UBN2: variants seen among roughly 807,000 people sequenced by gnomAD.
UBN2 encodes the protein ubinuclein 2.
Under a neutral mutation model 120.2 loss-of-function variants are expected in UBN2, and 35 were observed. The ratio of observed to expected loss-of-function variants is 0.29; its 90% CI spans 0.22 to 0.39. The LOEUF is 0.39. UBN2 is among the 10% of genes least tolerant of loss of function. UBN2 has a pLI of 1.00. For missense variants in UBN2, 1,693 were observed against 1,663.2 expected (o/e 1.02, Z -0.31); for synonymous variants, 661 against 648.7 (o/e 1.02, Z -0.29).
At chr7:139,294,699 G>A (rs373039851) in intron 17 of UBN2, among the ~76,000 whole-genome samples, 1 of 152,164 alleles carries the variant, frequency 6.6e-6, no homozygotes, top group African/African-American at 2.4e-5. Context: ...AAGTTAGCCA[G>A]GCCTGATGGC....
intron 2 of UBN2, among the ~76,000 whole-genome samples, chr7:139,241,754 T>C (rs1264795294): frequency 6.6e-6 from 1 of 152,204 alleles, no homozygotes; most frequent in Non-Finnish European, 1.5e-5. Flanking sequence ...CCCAGCACTT[T>C]GGGAGGCTGA....
chr7:139,270,270 C>CTTT (rs563161456), intron 8 of UBN2, among the ~76,000 whole-genome samples: 11 of 134,406 alleles, frequency 8.2e-5, no homozygotes, highest in South Asian at 2.4e-4. Context: ...AGCAGAAATA[C>CTTT]TTTTTTTTTT....
intron 17 of UBN2, among the ~76,000 whole-genome samples, chr7:139,294,789 C>T (rs925903901): frequency 3.3e-5 from 5 of 152,032 alleles, no homozygotes; most frequent in African/African-American, 4.8e-5. Flanking sequence ...TGCGGTGAGC[C>T]GAGATCACGC....
chr7:139,236,424 T>A (rs1002171129), intron 1 of UBN2, among the ~76,000 whole-genome samples: 8 of 152,208 alleles, frequency 5.3e-5, no homozygotes, highest in African/African-American at 1.9e-4. Flanking sequence ...CTACACACAC[T>A]CAGTGTTAAC....
intron 15 of UBN2, among the ~76,000 whole-genome samples, chr7:139,289,414 CTT>C (rs1161484759): frequency 4.4e-4 from 55 of 125,694 alleles, no homozygotes; most frequent in Admixed American, 7.2e-4. Flanking sequence ...TTACATTTTG[CTT>C]TTTTTTTTTT....
rs929402050 is a variant in UBN2, at chr7:139,307,007, T to G, written c.*9171T>G. Reference sequence around the variant, plus strand: ...GTCTGGGTAAACACATACTTCGGTGTGAATTTTGATAAGGGAAAGACTTGT... The same window carrying G: ...GTCTGGGTAAACACATACTTCGGTGGGAATTTTGATAAGGGAAAGACTTGT... On this transcript the variant is annotated 3_prime_UTR_variant, in exon 18 of 18. Transcript: ENST00000473989. The G allele has an allele frequency of 1.3e-5, 2 of 152,226 alleles. No homozygotes were observed. The allele number at this position is 152,226 out of a possible 1,614,324, so 9.4% of individuals were successfully genotyped here. A position where few individuals can be genotyped will look rare whatever the true frequency, so the allele number is the denominator to read the frequency against.
Position 139,231,270 on chromosome 7 carries a change from G to T in UBN2, c.-215G>T, listed in dbSNP as rs553256874. ...ATTTATGTGGGGGATCCAACATGGC[G>T]GCCGCGGCGACCCTGGCGATGGCGG... On this transcript the variant is annotated 5_prime_UTR_variant, in exon 1 of 18. Coordinates refer to ENST00000473989, the MANE Select transcript of UBN2 (RefSeq NM_173569.4). 4.6e-5 allele frequency among the ~76,000 whole-genome samples: 7 copies of T among 152,354 alleles called. No homozygotes were observed. In the South Asian group the frequency reaches 1.4e-3, roughly 32 times the overall value.
chr7:139,252,640 T>G (rs1386656831), intron 3 of UBN2, among the ~76,000 whole-genome samples: 1 of 152,182 alleles, frequency 6.6e-6, no homozygotes, highest in Non-Finnish European at 1.5e-5. Context: ...CTCTGTACAA[T>G]GTCTTTATTT....
At chr7:139,308,930 C>T (rs995505531), downstream of UBN2, among the ~76,000 whole-genome samples, 10 of 152,068 alleles carry the variant, frequency 6.6e-5, no homozygotes, top group Non-Finnish European at 7.4e-5. Flanking sequence ...ATTAGCTGGG[C>T]ATGGTGGCAT....
At chr7:139,270,572 A>C (rs1364868751) in intron 8 of UBN2, among the ~76,000 whole-genome samples, 1 of 150,578 alleles carries the variant, frequency 6.6e-6, no homozygotes, top group Non-Finnish European at 1.5e-5. Context: ...CCTGGCCAGA[A>C]ACACATTCAT....
chr7:139,235,012 A>C (rs1796126010), intron 1 of UBN2, among the ~76,000 whole-genome samples: 1 of 152,166 alleles, frequency 6.6e-6, no homozygotes, highest in South Asian at 2.1e-4. Context: ...GTTTATTCTT[A>C]ACTGTGAAAG....
intron 2 of UBN2, among the ~76,000 whole-genome samples, chr7:139,245,498 T>C (rs1044050989): frequency 6.6e-6 from 1 of 152,196 alleles, no homozygotes; most frequent in African/African-American, 2.4e-5. Flanking sequence ...CTCAGAACTA[T>C]TATGGTTTCT....
intron 1 of UBN2, among the ~76,000 whole-genome samples, chr7:139,233,071 C>G (rs922756185): frequency 6.6e-6 from 1 of 152,152 alleles, no homozygotes; most frequent in Non-Finnish European, 1.5e-5. Context: ...CCTTTATGGT[C>G]AAAATGACTG....
At position 139,301,195 on chromosome 7, in the gene UBN2, G is replaced by A. The variant is rs994558456; in HGVS notation, c.*3359G>A. 1.3e-5 allele frequency: 2 copies of A among 152,132 alleles called. No individual in the cohort carries two copies. Among genetic ancestry groups the A allele is most frequent in the East Asian group, 3.8e-4 (2 of 5,200 alleles). 9.4% of individuals were successfully genotyped at this position (152,132 alleles called of 1,614,324 possible). On this transcript the variant is annotated 3_prime_UTR_variant, in exon 18 of 18. Coordinates refer to ENST00000473989, the MANE Select transcript of UBN2 (RefSeq NM_173569.4). ...GTAAGGGGAAGAACCGGGCACATAT[G>A]TGTTGGAATACTGTGGGTTTGACAC...
At chr7:139,282,086 T>C in intron 14 of UBN2, 31 bp downstream of exon 14, 2 of 1,604,032 alleles carry the variant, frequency 1.2e-6, no homozygotes, top group South Asian at 1.1e-5. Flanking sequence ...AATCAGTATG[T>C]AATATAACAC....
At position 139,299,138 on chromosome 7, in the gene UBN2, G is replaced by A. The variant is rs781703925; in HGVS notation, c.*1302G>A. Reference sequence around the variant, plus strand: ...GCAAATAGCATATTCAACAAAGGATGTTAAGGGAAAAATTTATGGTTCTCC... The same window carrying A: ...GCAAATAGCATATTCAACAAAGGATATTAAGGGAAAAATTTATGGTTCTCC... On this transcript the variant is annotated 3_prime_UTR_variant, in exon 18 of 18. Coordinates refer to ENST00000473989, the MANE Select transcript of UBN2 (RefSeq NM_173569.4). The A allele has an allele frequency of 8.5e-5, 13 of 152,128 alleles. No homozygotes were observed. Among genetic ancestry groups the A allele is most frequent in the Non-Finnish European group, 1.5e-4 (10 of 67,998 alleles). The allele number at this position is 152,128 out of a possible 1,614,324, so 9.4% of individuals were successfully genotyped here. A position where few individuals can be genotyped will look rare whatever the true frequency, so the allele number is the denominator to read the frequency against.
Position 139,283,243 on chromosome 7 carries a change from G to T in UBN2, c.2338G>T (p.Gly780Trp). 6.2e-7 allele frequency: 1 copy of T among 1,613,252 alleles called. No individual in the cohort carries two copies. ...TGAAGCTTTAGCGGTTATCAACAAT[G>T]GGAACAAGGGCCCTCCAGTTGGCTC... ...VSEALAVINN[G>W]NKGPPVGSRI... Residue 780 changes from glycine (G) to tryptophan (W), a missense_variant, in exon 15 of 18, where the codon GGG becomes TGG. Around this residue, in one of 5 missense-constraint regions of UBN2, gnomAD observed 837 missense variants for 817.6 expected, o/e 1.02. Coordinates refer to ENST00000473989, the MANE Select transcript of UBN2 (RefSeq NM_173569.4).
At position 139,283,224 on chromosome 7, in the gene UBN2, T is replaced by G; in HGVS notation, c.2319T>G (p.Ala773=). 1.2e-6 allele frequency: 2 copies of G among 1,613,072 alleles called. No homozygotes were observed. The highest frequency in any genetic ancestry group is 1.7e-6 in the Non-Finnish European group (2 of 1,179,890). Reference sequence around the variant, plus strand: ...CTTCACTGGATCTTGTTTCTGAAGCTTTAGCGGTTATCAACAATGGGAACA... The same window carrying G: ...CTTCACTGGATCTTGTTTCTGAAGCGTTAGCGGTTATCAACAATGGGAACA... ...HSPSLDLVSE[A]LAVINNGNKG... The change falls in exon 15 of 18, where the codon GCT becomes GCG. Residue 773 remains alanine, a synonymous_variant. Transcript: ENST00000473989.
chr7:139,316,104 AAAAG>A, the UBN2 span, among the ~76,000 whole-genome samples: 52 of 137,030 alleles, frequency 3.8e-4, 7 homozygotes, highest in African/African-American at 1.1e-3. Context: ...AAAAAAAAAA[AAAAG>A]GGGTTCCAGT....
Sources: gnomAD v4.1 joint callset for allele counts (sites outside exome capture counted in the v4.1 genomes callset) on GRCh38, gnomAD v4.1.1 for gene constraint, gnomAD v4.1.1 regional missense constraint, MANE v1.5 for transcripts, NCBI Gene and HGNC (gene_info 2026-07-23, HGNC 2026-07-21) for gene names.